Variants in RPGRIP1 observed in about 807,000 individuals in gnomAD.
RPGRIP1 encodes the protein X-linked retinitis pigmentosa GTPase regulator-interacting protein 1.
In RPGRIP1, 128 loss-of-function variants were observed where a neutral mutation model predicts 157.9. The observed-to-expected ratio is 0.81, with a 90% CI of 0.70 to 0.94. RPGRIP1 has a LOEUF of 0.94. Among genes scored for constraint, RPGRIP1 ranks in the 40% least tolerant of loss-of-function variants. RPGRIP1 has a pLI of 0.00. For missense variants in RPGRIP1, 1,486 were observed against 1,545.8 expected, an observed-to-expected ratio of 0.96 and a Z score of 0.65; for synonymous variants, 554 against 571.6, an observed-to-expected ratio of 0.97 and a Z score of 0.44.
intron 10 of RPGRIP1, among the ~76,000 whole-genome samples, chr14:21,317,034 C>T (rs1031806990): frequency 6.6e-6 from 1 of 151,750 alleles, no homozygotes; most frequent in Non-Finnish European, 1.5e-5. Flanking sequence ...GCAGGAGAAT[C>T]GCTTGAACCT....
At chr14:21,344,658 G>A (rs1158214173) in intron 22 of RPGRIP1, among the ~76,000 whole-genome samples, 7 of 152,016 alleles carry the variant, frequency 4.6e-5, no homozygotes, top group African/African-American at 9.7e-5. Flanking sequence ...TCAGAATTTC[G>A]AAGGAGCCTG....
chr14:21,294,657 A>T lies in RPGRIP1; in HGVS notation c.86-20A>T, dbSNP rs372867069. The T allele has an allele frequency of 1.1e-4, 180 of 1,611,218 alleles. No individual in the cohort carries two copies. In the East Asian group the frequency reaches 3.7e-3, roughly 33 times the overall value. ...ATAGGTGTAAAAATACTGTCCATTT[A>T]CTGTTTTCTGGGACTTTAGGTAAGA... On this transcript the variant is annotated intron_variant, in intron 2 of 24. Coordinates refer to ENST00000400017, the MANE Select transcript of RPGRIP1 (RefSeq NM_020366.4).
chr14:21,308,952 G>A (rs200626552), intron 7 of RPGRIP1, among the ~76,000 whole-genome samples: 2 of 152,168 alleles, frequency 1.3e-5, no homozygotes, highest in Non-Finnish European at 2.9e-5. Context: ...GGGGATATGT[G>A]GGGGTGGCCA....
intron 9 of RPGRIP1, among the ~76,000 whole-genome samples, chr14:21,312,194 C>G (rs561715841): frequency 6.6e-6 from 1 of 152,218 alleles, no homozygotes; most frequent in South Asian, 2.1e-4. Flanking sequence ...TTGCTGCTTC[C>G]CTAGCAGTAG....
In RPGRIP1 at chr14:21,328,461, G is replaced by A. The variant is rs995654544; in HGVS notation, c.2933G>A (p.Gly978Asp). 1.8e-5 allele frequency: 29 copies of A among 1,613,600 alleles called. No individual in the cohort carries two copies. The highest frequency in any genetic ancestry group is 1.3e-4 in the Admixed American group (8 of 59,952). The change falls in exon 19 of 25, where the codon GGC becomes GAC. Residue 978 changes from glycine to aspartate, a missense_variant. Transcript: ENST00000400017. ...MASPEVPIEA[G>D]QYRSKRKPPH... Reference sequence around the variant, plus strand: ...TCTCCTGAGGTTCCCATTGAAGCTGGCCAGTATCGATCTAAGAGAAAACCT... The same window carrying A: ...TCTCCTGAGGTTCCCATTGAAGCTGACCAGTATCGATCTAAGAGAAAACCT...
chr14:21,325,016 T>C lies in RPGRIP1; in HGVS notation c.2161T>C (p.Phe721Leu). The part of the protein sequence containing the change: ...HSTLAAGWIC[F>L]DRVLETVEKV... ...CACTCTTGCTGCAGGATGGATTTGC[T>C]TTGACAGGGTGCTAGAGACTGTGGA... is the stretch of plus-strand genomic sequence containing the variant. Residue 721 changes from phenylalanine (F) to leucine (L), a missense_variant, in exon 15 of 25, where the codon TTT becomes CTT. Physicochemically the swap from Phe to Leu is conservative, Grantham distance 22. Coordinates refer to ENST00000400017, the MANE Select transcript of RPGRIP1 (RefSeq NM_020366.4). 1 of 1,614,010 alleles carries C rather than the reference T, an allele frequency of 6.2e-7. No homozygotes were observed. Among genetic ancestry groups the C allele is most frequent in the Non-Finnish European group, 8.5e-7 (1 of 1,179,884 alleles).
At chr14:21,317,423 T>C (rs1355493563) in intron 10 of RPGRIP1, 2 of 655,638 alleles carry the variant, frequency 3.1e-6, no homozygotes, top group East Asian at 5.6e-5. Flanking sequence ...GCCATCATGG[T>C]GGAGAAGTTC....
Position 21,336,204 on chromosome 14 carries a change from T to A in RPGRIP1, c.3339+1499T>A, listed in dbSNP as rs1884346569. 2.0e-5 allele frequency among the ~76,000 whole-genome samples: 3 copies of A among 152,126 alleles called. No homozygotes were observed. In the South Asian group the frequency reaches 6.2e-4, roughly 31 times the overall value. ...GGATATTGGAGTGAGGAGAAAAAAC[T>A]CAAAGTCAGTAGACTTAAACACTGA... is the stretch of plus-strand genomic sequence containing the variant. On this transcript the variant is annotated intron_variant, in intron 21 of 24. Transcript: ENST00000400017.
In RPGRIP1 at chr14:21,325,384, G is replaced by T; in HGVS notation, c.2367+1G>T. Reference sequence around the variant, plus strand: ...AGGCCGGAAGGCCCAGGAAGAGGAGGTGAGAAAAAAGATGTGCCGAGGCAT... The same window carrying T: ...AGGCCGGAAGGCCCAGGAAGAGGAGTTGAGAAAAAAGATGTGCCGAGGCAT... On this transcript the variant is annotated splice_donor_variant, in intron 16 of 24. Coordinates refer to ENST00000400017, the MANE Select transcript of RPGRIP1 (RefSeq NM_020366.4). LOFTEE classifies it high-confidence loss of function. The T allele has an allele frequency of 6.4e-7, 1 of 1,566,926 alleles. No homozygotes were observed. Among genetic ancestry groups the T allele is most frequent in the Non-Finnish European group, 8.7e-7 (1 of 1,155,844 alleles).
chr14:21,348,177 A>G lies in RPGRIP1; in HGVS notation c.3623A>G (p.Lys1208Arg), dbSNP rs1287289656. ...TAAATGCAATTTCTTTTTAGTTTAA[A>G]GTTTACAGTGGTAAGTGATCCTCTG... Reference protein sequence around the residue: ...NGQDPDQGHLKFTVVSDPLDE... With the variant: ...NGQDPDQGHLRFTVVSDPLDE... The change falls in exon 24 of 25, where the codon AAG (lysine) becomes AGG (arginine). Residue 1208 changes from lysine to arginine, a missense_variant. Physicochemically the swap from Lys to Arg is conservative, Grantham distance 26 (BLOSUM62 2). Coordinates refer to ENST00000400017, the MANE Select transcript of RPGRIP1 (RefSeq NM_020366.4). 6.4e-7 allele frequency: 1 copy of G among 1,572,260 alleles called. No individual in the cohort carries two copies. Among genetic ancestry groups the G allele is most frequent in the Middle Eastern group, 1.7e-4 (1 of 5,994 alleles).
intron 5 of RPGRIP1, chr14:21,302,865 GTTT>G (rs59447072): frequency 6.3e-4 from 56 of 88,266 alleles, no homozygotes; most frequent in South Asian, 2.4e-3. Context: ...CCTTTGTTGT[GTTT>G]TTTTTTTTTT....
chr14:21,288,633 G>A (rs1880394952), intron 2 of RPGRIP1, among the ~76,000 whole-genome samples: 1 of 151,288 alleles, frequency 6.6e-6, no homozygotes, highest in African/African-American at 2.4e-5. Flanking sequence ...TCCTACCTCA[G>A]ACTCCTGAGT....
At chr14:21,317,614 A>G (rs1338690763) in intron 10 of RPGRIP1, 82 bp from the exon 11 acceptor site, 1 of 1,550,076 alleles carries the variant, frequency 6.5e-7, no homozygotes, top group Admixed American at 2.0e-5. Context: ...AACTAGGTCC[A>G]GGAGATGCTG....
chr14:21,325,151 C>G, intron 15 of RPGRIP1, 81 bp downstream of exon 15: 1 of 1,539,862 alleles, frequency 6.5e-7, no homozygotes. Context: ...CTGGTGGTTT[C>G]TTATTTTCTT....
At chr14:21,281,576 C>T (rs1053118942) in intron 1 of RPGRIP1, among the ~76,000 whole-genome samples, 3 of 151,532 alleles carry the variant, frequency 2.0e-5, no homozygotes, top group South Asian at 2.1e-4. Context: ...GTAATTGCAG[C>T]TGCCTGGGGG....
Position 21,325,391 on chromosome 14 carries a change from A to T in RPGRIP1, c.2367+8A>T. The stretch of plus-strand genomic sequence containing the variant: ...AAGGCCCAGGAAGAGGAGGTGAGAA[A>T]AAAGATGTGCCGAGGCATCTCAGAG... On this transcript the variant is annotated splice_region_variant and intron_variant, in intron 16 of 24. Transcript: ENST00000400017. 6.4e-7 allele frequency: 1 copy of T among 1,562,046 alleles called. No homozygotes were observed. Among genetic ancestry groups the T allele is most frequent in the Non-Finnish European group, 8.7e-7 (1 of 1,153,086 alleles).
chr14:21,317,642 C>T (rs764507026), intron 10 of RPGRIP1, 54 bp from the exon 11 acceptor site: 86 of 1,555,188 alleles, frequency 5.5e-5, no homozygotes, highest in South Asian at 1.5e-4. Flanking sequence ...ATAATAAAGA[C>T]GTCATATCAC....
chr14:21,285,713 G>A (rs922753363), intron 1 of RPGRIP1, among the ~76,000 whole-genome samples: 1 of 151,842 alleles, frequency 6.6e-6, no homozygotes, highest in African/African-American at 2.4e-5. Context: ...AGGTGTGATT[G>A]GAGGAATAAG....
At chr14:21,280,381 A>T (rs934953922) in intron 1 of RPGRIP1, among the ~76,000 whole-genome samples, 2 of 149,994 alleles carry the variant, frequency 1.3e-5, no homozygotes, top group East Asian at 3.9e-4. Flanking sequence ...GTAGCTGGGG[A>T]CTACAGGCAT....
Sources: allele counts gnomAD v4.1 joint callset (sites outside exome capture counted in the v4.1 genomes callset), GRCh38; gene constraint gnomAD v4.1.1; transcripts MANE v1.5; gene names NCBI Gene and HGNC (gene_info 2026-07-23, HGNC 2026-07-21).